ZMYM4: variants seen among roughly 807,000 people sequenced by gnomAD.
ZMYM4 encodes the protein zinc finger MYM-type containing 4, also known as zinc finger MYM-type protein 4.
Under a neutral mutation model 183.2 loss-of-function variants are expected in ZMYM4, and 31 were observed. That is an observed-to-expected ratio of 0.17 (90% CI 0.13 to 0.23). ZMYM4 has a LOEUF of 0.23. Among genes scored for constraint, ZMYM4 ranks in the 10% least tolerant of loss-of-function variants. The pLI is 1.00. For missense variants in ZMYM4, 1,273 were observed against 1,840.3 expected (o/e 0.69, Z 5.64); for synonymous variants, 592 against 631.2 (o/e 0.94, Z 0.93).
Position 35,388,956 on chromosome 1 carries a change from T to C in ZMYM4, c.2310T>C (p.Asn770=). 2.5e-6 allele frequency: 4 copies of C among 1,614,012 alleles called. No individual in the cohort carries two copies. The highest frequency in any genetic ancestry group is 3.4e-6 in the Non-Finnish European group (4 of 1,179,992). ...YKHDLAKRWG[N]HCKMCSYCLQ... is the part of the protein sequence containing the mutation. ...ATGACTTGGCAAAACGCTGGGGAAA[T>C]CACTGTAAAATGTGCAGTTATTGTT... is the stretch of plus-strand genomic sequence containing the variant. Residue 770 remains asparagine (N), a synonymous_variant, in exon 14 of 30, where the codon AAT becomes AAC. Transcript: ENST00000314607.
At chr1:35,396,209 G>A (rs968989343) in intron 18 of ZMYM4, among the ~76,000 whole-genome samples, 5 of 152,100 alleles carry the variant, frequency 3.3e-5, no homozygotes, top group Admixed American at 3.3e-4. Flanking sequence ...ATAGCATGAT[G>A]GAAATGGCCC....
intron 1 of ZMYM4, among the ~76,000 whole-genome samples, chr1:35,308,584 G>A (rs1427309422): frequency 2.6e-5 from 4 of 152,172 alleles, no homozygotes. Context: ...GATAAGACGG[G>A]TGTGGTGGTT....
intron 4 of ZMYM4, 148 bp from the exon 5 acceptor site, chr1:35,361,471 A>G (rs1259910731): frequency 3.9e-6 from 4 of 1,016,060 alleles, no homozygotes; most frequent in Admixed American, 6.1e-5. Context: ...ATATAACACA[A>G]TTACTTTTAG....
At position 35,393,525 on chromosome 1, in the gene ZMYM4, TATA is replaced by T. The variant is rs1183653709; in HGVS notation, c.2767-66_2767-64del. 5.9e-6 allele frequency: 8 copies of T among 1,359,960 alleles called. No homozygotes were observed. In the East Asian group the frequency reaches 1.3e-4, roughly 22 times the overall value. 84.2% of individuals were successfully genotyped at this position (1,359,960 alleles called of 1,614,324 possible). On this transcript the variant is annotated intron_variant, in intron 17 of 29. Coordinates refer to ENST00000314607, the MANE Select transcript of ZMYM4 (RefSeq NM_005095.3). ...TCCAATATGACATTTCCTTTAATAT[TATA>T]ATATTTCTTATAATTACAATGAGAT...
chr1:35,408,095 G>A lies in ZMYM4; in HGVS notation c.3884G>A (p.Arg1295Gln). The A allele has an allele frequency of 3.1e-6, 5 of 1,614,148 alleles. No individual in the cohort carries two copies. The highest frequency in any genetic ancestry group is 2.2e-5 in the East Asian group (1 of 44,876). The change falls in exon 26 of 30, where the codon CGG (arginine) becomes CAG (glutamine). Residue 1295 changes from arginine to glutamine, a missense_variant. Physicochemically the swap from Arg to Gln is conservative, Grantham distance 43. Around this residue, in one of 6 missense-constraint regions of ZMYM4, gnomAD observed 145 missense variants for 331.6 expected, o/e 0.44. Coordinates refer to ENST00000314607, the MANE Select transcript of ZMYM4 (RefSeq NM_005095.3). ...LGLCQFIQEV[R>Q]RPNGEKYDPD... is the part of the protein sequence containing the mutation. ...TTATGCCAGTTTATCCAAGAGGTGCGGAGACCAAATGGTGAAAAATATGAT... is the reference window on the plus strand; with the variant it reads ...TTATGCCAGTTTATCCAAGAGGTGCAGAGACCAAATGGTGAAAAATATGAT...
Position 35,359,304 on chromosome 1 carries a change from T to C in ZMYM4, c.465T>C (p.Phe155=). The change falls in exon 3 of 30, where the codon TTT becomes TTC. Residue 155 remains phenylalanine, a synonymous_variant. Coordinates refer to ENST00000314607, the MANE Select transcript of ZMYM4 (RefSeq NM_005095.3). ...TCTTTAAATCAATACGGAAAGATTT[T>C]AGTCTAGTAAGAGAAAACAGCAAAG... The part of the protein sequence containing the change: ...VSVFKSIRKD[F]SLVRENSKET... The C allele has an allele frequency of 6.2e-7, 1 of 1,610,388 alleles. No individual in the cohort carries two copies. Among genetic ancestry groups the C allele is most frequent in the Non-Finnish European group, 8.5e-7 (1 of 1,178,994 alleles).
At chr1:35,315,413 T>TA (rs1642000847) in intron 1 of ZMYM4, among the ~76,000 whole-genome samples, 1 of 152,012 alleles carries the variant, frequency 6.6e-6, no homozygotes, top group South Asian at 2.1e-4. Flanking sequence ...AAAGTTCTAC[T>TA]AAAAAAAATT....
At chr1:35,284,718 T>A (rs1421645859) in intron 1 of ZMYM4, among the ~76,000 whole-genome samples, 1 of 152,220 alleles carries the variant, frequency 6.6e-6, no homozygotes, top group Non-Finnish European at 1.5e-5. Context: ...TAGGTTTTAT[T>A]TTCAGGCCTT....
intron 7 of ZMYM4, among the ~76,000 whole-genome samples, chr1:35,380,897 C>G (rs1185364940): frequency 6.6e-6 from 1 of 152,040 alleles, no homozygotes; most frequent in African/African-American, 2.4e-5. Flanking sequence ...AAATGTAATA[C>G]AGTATTTTTT....
intron 2 of ZMYM4, among the ~76,000 whole-genome samples, chr1:35,333,259 T>A (rs1404924610): frequency 5.9e-4 from 1 of 1,684 alleles, no homozygotes; most frequent in Non-Finnish European, 0.013. Flanking sequence ...ATACATGATT[T>A]TTTTTTTTTT....
At chr1:35,323,523 T>C (rs1213065073) in intron 1 of ZMYM4, among the ~76,000 whole-genome samples, 1 of 151,328 alleles carries the variant, frequency 6.6e-6, no homozygotes, top group South Asian at 2.1e-4. Flanking sequence ...GACATTTTTC[T>C]TCGTTTTTTG....
chr1:35,416,574 T>C (rs1019994243), intron 28 of ZMYM4, among the ~76,000 whole-genome samples: 2 of 152,162 alleles, frequency 1.3e-5, no homozygotes, highest in Non-Finnish European at 2.9e-5. Context: ...TATTTATTTA[T>C]TTATTTTGAG....
At chr1:35,298,469 C>T (rs557918379) in intron 1 of ZMYM4, among the ~76,000 whole-genome samples, 3 of 152,160 alleles carry the variant, frequency 2.0e-5, no homozygotes, top group Non-Finnish European at 4.4e-5. Context: ...GGCTGGGACA[C>T]TGGCAAAATT....
At chr1:35,390,155 T>C in intron 15 of ZMYM4, 57 bp downstream of exon 15, 1 of 1,546,294 alleles carries the variant, frequency 6.5e-7, no homozygotes, top group East Asian at 2.3e-5. Context: ...GAACTACTGT[T>C]CTTTTACAGA....
chr1:35,289,942 C>T (rs1640679158), intron 1 of ZMYM4, among the ~76,000 whole-genome samples: 1 of 151,952 alleles, frequency 6.6e-6, no homozygotes, highest in African/African-American at 2.4e-5. Context: ...ATTGACTTGC[C>T]AGTTTTCTTT....
At chr1:35,340,115 A>T (rs1050261716) in intron 2 of ZMYM4, among the ~76,000 whole-genome samples, 1 of 152,218 alleles carries the variant, frequency 6.6e-6, no homozygotes, top group African/African-American at 2.4e-5. Flanking sequence ...TGACAGAACA[A>T]AATCAAATAA....
At chr1:35,295,845 A>G (rs948387346) in intron 1 of ZMYM4, 1 of 152,202 alleles carries the variant, frequency 6.6e-6, no homozygotes, top group Non-Finnish European at 1.5e-5. Context: ...TTGCACTGTG[A>G]TAAGTCAAGT....
intron 1 of ZMYM4, among the ~76,000 whole-genome samples, chr1:35,316,485 A>G (rs1642051324): frequency 6.6e-6 from 1 of 152,236 alleles, no homozygotes; most frequent in South Asian, 2.1e-4. Context: ...TTAACAAATC[A>G]CTATGTAATT....
chr1:35,310,037 C>T (rs1404555644), intron 1 of ZMYM4, among the ~76,000 whole-genome samples: 8 of 150,712 alleles, frequency 5.3e-5, no homozygotes. Context: ...TCAAGCGATT[C>T]TCCTGCCTCA....
Sources: allele counts gnomAD v4.1 joint callset (sites outside exome capture counted in the v4.1 genomes callset), GRCh38; gene constraint gnomAD v4.1.1; regional missense constraint gnomAD v4.1.1; transcripts MANE v1.5; gene names NCBI Gene and HGNC (gene_info 2026-07-23, HGNC 2026-07-21).